The following ZDHHC14 variants were observed in gnomAD, a reference collection of about 807,000 sequenced individuals.
ZDHHC14 encodes palmitoyltransferase ZDHHC14.
A neutral mutation model predicts 47.7 loss-of-function variants in ZDHHC14; 16 were observed. The observed-to-expected ratio is 0.34, with a 90% CI of 0.23 to 0.51. The LOEUF (loss-of-function observed/expected upper bound fraction) is 0.51. Among genes scored for constraint, ZDHHC14 ranks in the 20% least tolerant of loss-of-function variants. ZDHHC14 has a pLI of 0.97. For synonymous variants in ZDHHC14, 293 were observed against 278.9 expected, an observed-to-expected ratio of 1.05 and a Z score of -0.50; for missense variants, 515 against 662.5, an observed-to-expected ratio of 0.78 and a Z score of 2.44.
At chr6:157,563,324 C>T (rs1048466466) in intron 2 of ZDHHC14, among the ~76,000 whole-genome samples, 22 of 152,216 alleles carry the variant, frequency 1.4e-4, no homozygotes, top group Non-Finnish European at 3.1e-4. Context: ...GTGCCTCTTC[C>T]CCAGCTCCAA....
rs575045414 is a variant in ZDHHC14 at position 157,427,482 on chromosome 6, G to T, written c.245+45216G>T. 1.1e-3 allele frequency among the ~76,000 whole-genome samples: 162 copies of T among 152,230 alleles called. 1 individual carries two copies. Among genetic ancestry groups the T allele is most frequent in the African/African-American group, 3.6e-3 (150 of 41,528 alleles). On this transcript the variant is annotated intron_variant, in intron 1 of 8. Coordinates refer to ENST00000359775, the MANE Select transcript of ZDHHC14 (RefSeq NM_024630.3). This position sits in a 1 kb window ranked among gnomAD's most constrained non-coding sequence, Gnocchi z 4.4. ...CCTACCAGCATGGGTTGGCGTGGGG[G>T]TGAGGATGGTTGGCTGGGTTCACTC...
At chr6:157,619,030 G>T (rs1785075650) in intron 3 of ZDHHC14, among the ~76,000 whole-genome samples, 1 of 151,870 alleles carries the variant, frequency 6.6e-6, no homozygotes, top group Non-Finnish European at 1.5e-5. Flanking sequence ...GCTTACTCAG[G>T]GTGTCACTTG....
chr6:157,464,514 A>G (rs1779162136), intron 1 of ZDHHC14, among the ~76,000 whole-genome samples: 1 of 152,168 alleles, frequency 6.6e-6, no homozygotes, highest in African/African-American at 2.4e-5. Context: ...GACTTATTTA[A>G]TGGTTACTTG....
At chr6:157,432,278 C>T (rs1245819293) in intron 1 of ZDHHC14, among the ~76,000 whole-genome samples, 1 of 152,178 alleles carries the variant, frequency 6.6e-6, no homozygotes, top group East Asian at 1.9e-4. Flanking sequence ...TTATCTTGCT[C>T]ATCTTTCTAT....
At chr6:157,608,472 C>T (rs2163293) in intron 3 of ZDHHC14, among the ~76,000 whole-genome samples, 39,326 of 151,980 alleles carry the variant, frequency 0.26, 5,755 homozygotes, top group East Asian at 0.52. Context: ...CTGGAGGAAG[C>T]AGCGTCCCAT....
intron 2 of ZDHHC14, among the ~76,000 whole-genome samples, chr6:157,551,988 T>C (rs1782253302): frequency 6.6e-6 from 1 of 152,148 alleles, no homozygotes; most frequent in Admixed American, 6.5e-5. Context: ...AATAAATCCC[T>C]CTTTCTCCTT....
At chr6:157,638,903 G>A (rs1777111135) in intron 5 of ZDHHC14, among the ~76,000 whole-genome samples, 1 of 152,234 alleles carries the variant, frequency 6.6e-6, no homozygotes, top group African/African-American at 2.4e-5. Context: ...TGGAGGGAGA[G>A]GTCCCAGGCA....
Position 157,417,837 on chromosome 6 carries a change from C to T in ZDHHC14, c.245+35571C>T, listed in dbSNP as rs1039661027. Among the ~76,000 whole-genome samples the T allele has an allele frequency of 1.3e-5, 2 of 151,974 alleles. 1 individual carries two copies. The highest frequency in any genetic ancestry group is 2.9e-5 in the Non-Finnish European group (2 of 68,016). On this transcript the variant is annotated intron_variant, in intron 1 of 8. Coordinates refer to ENST00000359775, the MANE Select transcript of ZDHHC14 (RefSeq NM_024630.3). ...GGCGTGGTTGCGGGTGCCTGTAGTC[C>T]CAGGTATTCAGGAGGCTGAGGCAGG...
intron 2 of ZDHHC14, among the ~76,000 whole-genome samples, chr6:157,573,215 T>C (rs1163533702): frequency 6.6e-6 from 1 of 152,138 alleles, no homozygotes; most frequent in African/African-American, 2.4e-5. Context: ...TTGCCAGCTG[T>C]TGAGGAGCTC....
chr6:157,654,950 G>A (rs924399346), intron 8 of ZDHHC14, among the ~76,000 whole-genome samples: 5 of 152,136 alleles, frequency 3.3e-5, no homozygotes, highest in African/African-American at 9.7e-5. Flanking sequence ...GGCCAGGCTG[G>A]TCTCGAACTC....
At chr6:157,400,422 A>G (rs189097190) in intron 1 of ZDHHC14, among the ~76,000 whole-genome samples, 1 of 152,302 alleles carries the variant, frequency 6.6e-6, no homozygotes, top group East Asian at 1.9e-4. Flanking sequence ...AGGGTGACCT[A>G]CACCCTCTAC....
chr6:157,477,698 T>C (rs1779527097), intron 1 of ZDHHC14, among the ~76,000 whole-genome samples: 1 of 152,186 alleles, frequency 6.6e-6, no homozygotes, highest in African/African-American at 2.4e-5. Context: ...TTACAATAAT[T>C]ATTTGAAATT....
chr6:157,387,795 T>C (rs926225853), intron 1 of ZDHHC14, among the ~76,000 whole-genome samples: 11 of 152,208 alleles, frequency 7.2e-5, no homozygotes, highest in African/African-American at 2.7e-4. Context: ...TGGTCTATAA[T>C]AGCAAGCTCC....
At chr6:157,546,466 A>T (rs1781976762) in intron 2 of ZDHHC14, among the ~76,000 whole-genome samples, 2 of 152,150 alleles carry the variant, frequency 1.3e-5, no homozygotes, top group South Asian at 2.1e-4. Flanking sequence ...CTGTCTTCAA[A>T]CTTCTGAGAG....
chr6:157,391,936 G>A (rs1028562004), intron 1 of ZDHHC14, among the ~76,000 whole-genome samples: 1 of 152,106 alleles, frequency 6.6e-6, no homozygotes, highest in African/African-American at 2.4e-5. Flanking sequence ...TACTGCTGTA[G>A]GATTTGATTT....
At chr6:157,622,665 G>T (rs1356194440) in intron 3 of ZDHHC14, among the ~76,000 whole-genome samples, 2 of 152,028 alleles carry the variant, frequency 1.3e-5, no homozygotes, top group Non-Finnish European at 2.9e-5. Context: ...CATGTGAACT[G>T]TTGTCAGCTC....
chr6:157,498,921 C>A lies in ZDHHC14; in HGVS notation c.246-43664C>A, dbSNP rs552843365. Among the ~76,000 whole-genome samples the A allele has an allele frequency of 2.4e-4, 36 of 152,228 alleles. No individual in the cohort carries two copies. The South Asian group carries it at 7.5e-3, about 32-fold the overall frequency. On this transcript the variant is annotated intron_variant, in intron 1 of 8. Coordinates refer to ENST00000359775, the MANE Select transcript of ZDHHC14 (RefSeq NM_024630.3). ...TGGTTGTTATGCTGGAACAGCTGAG[C>A]AGATTTTTACCTCCTGTGCTTAATA... is the stretch of plus-strand genomic sequence containing the variant.
In ZDHHC14 at chr6:157,674,721, T is replaced by C. The variant is rs1014363852; in HGVS notation, c.*1599T>C. 2 of 152,062 alleles carry C rather than the reference T, an allele frequency of 1.3e-5. No homozygotes were observed. The highest frequency in any genetic ancestry group is 4.8e-5 in the African/African-American group (2 of 41,420). The allele number at this position is 152,062 out of a possible 1,614,324, so 9.4% of individuals were successfully genotyped here. A position where few individuals can be genotyped will look rare whatever the true frequency, so the allele number is the denominator to read the frequency against. Reference sequence around the variant, plus strand: ...CCATTTTATATAAAAGAAAAGAAGATAGGAAAAAGAAAAGCACACAAGTTT... The same window carrying C: ...CCATTTTATATAAAAGAAAAGAAGACAGGAAAAAGAAAAGCACACAAGTTT... On this transcript the variant is annotated 3_prime_UTR_variant, in exon 9 of 9. Transcript: ENST00000359775.
At chr6:157,389,545 T>C (rs1180793682) in intron 1 of ZDHHC14, among the ~76,000 whole-genome samples, 1 of 152,224 alleles carries the variant, frequency 6.6e-6, no homozygotes, top group Non-Finnish European at 1.5e-5. Context: ...TAATGTGTAT[T>C]TTGTTTCTCT....
Sources: allele counts gnomAD v4.1 joint callset (sites outside exome capture counted in the v4.1 genomes callset), GRCh38; gene constraint gnomAD v4.1.1; non-coding constraint Gnocchi (gnomAD v3.1); transcripts MANE v1.5; gene names NCBI Gene and HGNC (gene_info 2026-07-23, HGNC 2026-07-21).